CCDC66: variants seen among roughly 807,000 people sequenced by gnomAD.
CCDC66 encodes the protein coiled-coil domain-containing protein 66.
CCDC66 carries 133 observed loss-of-function variants against 128.3 expected under a neutral mutation model. The ratio of observed to expected loss-of-function variants is 1.04; its 90% confidence interval spans 0.90 to 1.20. The LOEUF (loss-of-function observed/expected upper bound fraction) is 1.20, where lower values mean the gene tolerates loss of function less well. Ranked by LOEUF, CCDC66 falls within the 50% of genes most tolerant of loss-of-function variation. The pLI is 0.00. For missense variants in CCDC66, 1,126 were observed against 1,075.5 expected, an observed-to-expected ratio of 1.05 and a Z score of -0.66; for synonymous variants, 387 against 357.0, an observed-to-expected ratio of 1.08 and a Z score of -0.95.
intron 6 of CCDC66, 49 bp downstream of exon 6, chr3:56,567,102 T>C (rs1472299983): frequency 1.4e-6 from 2 of 1,441,310 alleles, no homozygotes; most frequent in African/African-American, 1.4e-5. Flanking sequence ...TTAAAGAATA[T>C]GTATTGAAGC....
chr3:56,571,082 A>C, intron 6 of CCDC66, 99 bp from the exon 7 acceptor site: 1 of 776,468 alleles, frequency 1.3e-6, no homozygotes, highest in Non-Finnish European at 1.9e-6. Flanking sequence ...AGTTTTGATT[A>C]GATCTGTGTT....
Position 56,621,705 on chromosome 3 carries a change from C to T in CCDC66, c.*87C>T. Reference sequence around the variant, plus strand: ...TGGCTCAACTGTATTTTTCAAATAGCCTAGATTTACTTATTTTTTTAAATG... The same window carrying T: ...TGGCTCAACTGTATTTTTCAAATAGTCTAGATTTACTTATTTTTTTAAATG... On this transcript the variant is annotated 3_prime_UTR_variant, in exon 18 of 18. Transcript: ENST00000394672. 1 of 855,084 alleles carries T rather than the reference C, an allele frequency of 1.2e-6. No individual in the cohort carries two copies. The highest frequency in any genetic ancestry group is 1.8e-6 in the Non-Finnish European group (1 of 552,088). 53.0% of individuals were successfully genotyped at this position (855,084 alleles called of 1,614,324 possible).
chr3:56,567,848 C>G lies in CCDC66; in HGVS notation c.814+795C>G, dbSNP rs569155847. Reference sequence around the variant, plus strand: ...GGGACTACAGGCACCCACTACCACGCCCGGCTAATTTTTTTGTATTTTTAG... The same window carrying G: ...GGGACTACAGGCACCCACTACCACGGCCGGCTAATTTTTTTGTATTTTTAG... On this transcript the variant is annotated intron_variant, in intron 6 of 17. Transcript: ENST00000394672. Among the ~76,000 whole-genome samples the G allele has an allele frequency of 5.3e-5, 8 of 152,150 alleles. No individual in the cohort carries two copies. The South Asian group carries it at 1.7e-3, about 32-fold the overall frequency.
intron 4 of CCDC66, 107 bp downstream of exon 4, chr3:56,564,232 A>G: frequency 1.3e-6 from 1 of 771,956 alleles, no homozygotes; most frequent in Non-Finnish European, 2.0e-6. Context: ...CTCTAATTTA[A>G]CCTGTCAATC....
At chr3:56,605,636 T>G (rs2073955661) in intron 10 of CCDC66, among the ~76,000 whole-genome samples, 1 of 152,054 alleles carries the variant, frequency 6.6e-6, no homozygotes, top group Non-Finnish European at 1.5e-5. Context: ...TGTTCCTTCC[T>G]CTGGAAGCTT....
chr3:56,588,994 G>A (rs2070344077), intron 7 of CCDC66, among the ~76,000 whole-genome samples: 1 of 152,142 alleles, frequency 6.6e-6, no homozygotes, highest in East Asian at 1.9e-4. Context: ...CCCAAGGTAG[G>A]TCAAAGTGGA....
chr3:56,582,863 T>C (rs1365724243), intron 7 of CCDC66, among the ~76,000 whole-genome samples: 1 of 145,730 alleles, frequency 6.9e-6, no homozygotes, highest in Non-Finnish European at 1.5e-5. Context: ...TTATTATTAT[T>C]ATTATTATTA....
chr3:56,565,911 C>A (rs2065780160), intron 4 of CCDC66, among the ~76,000 whole-genome samples: 1 of 152,158 alleles, frequency 6.6e-6, no homozygotes, highest in African/African-American at 2.4e-5. Flanking sequence ...CGTGATCCGC[C>A]CACCTTGGCC....
At chr3:56,558,266 A>G (rs996200713) in intron 1 of CCDC66, among the ~76,000 whole-genome samples, 1 of 152,226 alleles carries the variant, frequency 6.6e-6, no homozygotes, top group Non-Finnish European at 1.5e-5. Flanking sequence ...GGACCTTAAC[A>G]GACGTTCAAG....
intron 14 of CCDC66, 97 bp downstream of exon 14, chr3:56,617,702 C>G: frequency 6.9e-7 from 1 of 1,442,174 alleles, no homozygotes. Flanking sequence ...TGATCTGTTT[C>G]AGTTTACATT....
intron 10 of CCDC66, among the ~76,000 whole-genome samples, chr3:56,609,440 T>G (rs1282762775): frequency 6.6e-6 from 1 of 152,218 alleles, no homozygotes; most frequent in Non-Finnish European, 1.5e-5. Context: ...TGCATTTGCA[T>G]GAAATGTGTT....
At position 56,620,859 on chromosome 3, in the gene CCDC66, A is replaced by AT. The variant is rs141778836; in HGVS notation, c.2761-672dup. 593 of 152,680 alleles carry AT rather than the reference A, an allele frequency of 3.9e-3. 2 individuals carry two copies. The highest frequency in any genetic ancestry group is 0.014 in the African/African-American group (570 of 41,578). 9.5% of individuals were successfully genotyped at this position (152,680 alleles called of 1,614,324 possible). On this transcript the variant is annotated intron_variant, in intron 17 of 17. Coordinates refer to ENST00000394672, the MANE Select transcript of CCDC66 (RefSeq NM_001141947.3). ...GTAAGGTTAGGACAGTCAAGATAAA[A>AT]TACTGGATGTTGGCCAGGAGCAGTG...
rs1469400969 is a variant in CCDC66, at chr3:56,557,203, G to A, written c.-40G>A. 1 of 1,551,192 alleles carries A rather than the reference G, an allele frequency of 6.4e-7. No individual in the cohort carries two copies. Among genetic ancestry groups the A allele is most frequent in the Non-Finnish European group, 8.7e-7 (1 of 1,146,988 alleles). On this transcript the variant is annotated 5_prime_UTR_variant, in exon 1 of 18. Transcript: ENST00000394672. ...CGGCGGCGGCAACCGACGTACACAA[G>A]GGGCTTGAGCGTTCTGTGGAGAGAG...
In CCDC66 at chr3:56,619,399, TATC is replaced by T. The variant is rs769917618; in HGVS notation, c.2511_2513del (p.Ser838del). The T allele has an allele frequency of 5.6e-6, 9 of 1,613,866 alleles. No individual in the cohort carries two copies. The African/African-American group carries it at 9.3e-5, about 17-fold the overall frequency. ...ATCTCAGGAAGTAATCAAACAGAATTATCATCTGGGATTTCTGAATCATCCCAT... is the reference window on the plus strand; with the variant it reads ...ATCTCAGGAAGTAATCAAACAGAATTATCTGGGATTTCTGAATCATCCCAT... On this transcript the variant is annotated inframe_deletion, in exon 16 of 18. Transcript: ENST00000394672.
intron 7 of CCDC66, among the ~76,000 whole-genome samples, chr3:56,576,049 C>T (rs1358966311): frequency 1.3e-5 from 2 of 150,654 alleles, no homozygotes; most frequent in African/African-American, 4.9e-5. Flanking sequence ...ATGGATTTTT[C>T]TATTTCTGCA....
At chr3:56,615,419 T>C in intron 12 of CCDC66, 147 bp downstream of exon 12, 1 of 731,798 alleles carries the variant, frequency 1.4e-6, no homozygotes. Context: ...CAACCTCATA[T>C]TTTTTGTAGA....
intron 7 of CCDC66, among the ~76,000 whole-genome samples, chr3:56,576,583 T>C (rs1299159316): frequency 9.7e-6 from 1 of 103,340 alleles, no homozygotes; most frequent in Non-Finnish European, 1.8e-5. Context: ...CAAGCCCCGA[T>C]GTGTGATGTT....
At chr3:56,577,945 A>G (rs941296075) in intron 7 of CCDC66, among the ~76,000 whole-genome samples, 1 of 151,800 alleles carries the variant, frequency 6.6e-6, no homozygotes, top group African/African-American at 2.4e-5. Flanking sequence ...GTTTTTTCCA[A>G]TTCTGTGAAG....
chr3:56,607,033 T>C (rs2074173142), intron 10 of CCDC66, among the ~76,000 whole-genome samples: 1 of 152,210 alleles, frequency 6.6e-6, no homozygotes, highest in African/African-American at 2.4e-5. Context: ...CATGCTGTTT[T>C]GGTGACTGCG....
Sources: gnomAD v4.1 joint callset for allele counts (sites outside exome capture counted in the v4.1 genomes callset) on GRCh38, gnomAD v4.1.1 for gene constraint, MANE v1.5 for transcripts, NCBI Gene and HGNC (gene_info 2026-07-23, HGNC 2026-07-21) for gene names.